SOBP: variants seen among roughly 807,000 people sequenced by gnomAD.
SOBP encodes sine oculis-binding protein homolog.
In SOBP, 4 loss-of-function variants were observed where a neutral mutation model predicts 53.6. The observed-to-expected ratio is 0.07, with a 90% CI of 0.04 to 0.17. The LOEUF (loss-of-function observed/expected upper bound fraction) is 0.17, where lower values mean the gene tolerates loss of function less well. Among genes scored for constraint, SOBP ranks in the 10% least tolerant of loss-of-function variants. The pLI is 1.00. For missense variants in SOBP, 1,088 were observed against 1,204.7 expected, an observed-to-expected ratio of 0.90 and a Z score of 1.43; for synonymous variants, 584 against 522.6, an observed-to-expected ratio of 1.12 and a Z score of -1.60.
At chr6:107,637,219 G>A (rs1771085688) in intron 6 of SOBP, among the ~76,000 whole-genome samples, 1 of 152,212 alleles carries the variant, frequency 6.6e-6, no homozygotes, top group Admixed American at 6.5e-5. Flanking sequence ...TCCACAGTGG[G>A]AAATACAAAC....
At chr6:107,494,846 G>A (rs1047812351) in intron 1 of SOBP, among the ~76,000 whole-genome samples, 11 of 152,142 alleles carry the variant, frequency 7.2e-5, no homozygotes, top group African/African-American at 2.4e-4. Context: ...AGATTTTCTA[G>A]TTTGTTTTCT....
chr6:107,632,331 C>A (rs561995139), intron 5 of SOBP, among the ~76,000 whole-genome samples: 24 of 148,682 alleles, frequency 1.6e-4, no homozygotes, highest in Admixed American at 4.7e-4. Flanking sequence ...GGCCCCCCCC[C>A]AAAAAAAAGG....
chr6:107,631,589 A>G (rs578103438), intron 5 of SOBP, among the ~76,000 whole-genome samples: 1 of 152,308 alleles, frequency 6.6e-6, no homozygotes, highest in African/African-American at 2.4e-5. Context: ...TTTTTTGTAA[A>G]CTGGGCATCT....
chr6:107,508,880 G>T (rs1583155351), intron 3 of SOBP, among the ~76,000 whole-genome samples: 1 of 152,212 alleles, frequency 6.6e-6, no homozygotes, highest in East Asian at 1.9e-4. Flanking sequence ...CAGTGGCTTA[G>T]GGGAGGGGAG....
chr6:107,503,809 A>T lies in SOBP; in HGVS notation c.235+14A>T, dbSNP rs1364767866. ...CTGTTCTCAAAGGTAATGACATTTAATGTCCTTTTGTTCATGCAAAGAAGG... is the reference window on the plus strand; with the variant it reads ...CTGTTCTCAAAGGTAATGACATTTATTGTCCTTTTGTTCATGCAAAGAAGG... On this transcript the variant is annotated intron_variant, in intron 2 of 6. Transcript: ENST00000317357. The T allele has an allele frequency of 2.5e-6, 4 of 1,613,616 alleles. No homozygotes were observed. In the South Asian group the frequency reaches 4.4e-5, roughly 18 times the overall value.
At chr6:107,586,180 T>G (rs1785560062) in intron 4 of SOBP, among the ~76,000 whole-genome samples, 1 of 152,242 alleles carries the variant, frequency 6.6e-6, no homozygotes, top group African/African-American at 2.4e-5. Context: ...TATGCATAAT[T>G]ATATGCAAGC....
At chr6:107,613,991 A>G (rs1786691667) in intron 5 of SOBP, among the ~76,000 whole-genome samples, 1 of 152,244 alleles carries the variant, frequency 6.6e-6, no homozygotes, top group Admixed American at 6.5e-5. Flanking sequence ...GCAATCTCTG[A>G]GGTGCAGGTT....
chr6:107,617,908 A>G (rs2003738), intron 5 of SOBP, among the ~76,000 whole-genome samples: 13,315 of 148,774 alleles, frequency 0.089, 833 homozygotes, highest in Admixed American at 0.18. Flanking sequence ...GCTCACTGCA[A>G]CATCTACCTC....
At chr6:107,603,718 A>C (rs1386721394) in intron 5 of SOBP, among the ~76,000 whole-genome samples, 1 of 152,102 alleles carries the variant, frequency 6.6e-6, no homozygotes, top group African/African-American at 2.4e-5. Context: ...TTTCCCTGAG[A>C]TGTGAGATAC....
At position 107,616,036 on chromosome 6, in the gene SOBP, GA is replaced by G. The variant is rs1324318094; in HGVS notation, c.670-17468del. ...AGACTCTGTCTCTGGGCAAAAAAAA[GA>G]AAAAAAAAAGAAAAAAAAAGGATGC... is the stretch of plus-strand genomic sequence containing the variant. On this transcript the variant is annotated intron_variant, in intron 5 of 6. Coordinates refer to ENST00000317357, the MANE Select transcript of SOBP (RefSeq NM_018013.4). 1.1e-4 allele frequency among the ~76,000 whole-genome samples: 12 copies of G among 107,816 alleles called. No individual in the cohort carries two copies. The South Asian group carries it at 1.9e-3, about 17-fold the overall frequency. The allele number at this position is 107,816 out of a possible 152,430, so 70.7% of individuals were successfully genotyped here.
At chr6:107,590,532 A>G (rs935315725) in intron 5 of SOBP, among the ~76,000 whole-genome samples, 1 of 152,204 alleles carries the variant, frequency 6.6e-6, no homozygotes, top group Non-Finnish European at 1.5e-5. Context: ...TCAGTTCCAG[A>G]TTCCTGAGCC....
At position 107,587,087 on chromosome 6, in the gene SOBP, A is replaced by G; in HGVS notation, c.581A>G (p.Asp194Gly). The G allele has an allele frequency of 6.2e-7, 1 of 1,613,240 alleles. No individual in the cohort carries two copies. The highest frequency in any genetic ancestry group is 8.5e-7 in the Non-Finnish European group (1 of 1,179,482). ...RAYFKRNKAR[D>G]EDGHAENFPQ... ...CATTATATTTCCCTTCAGGCTAGAG[A>G]TGAAGATGGACATGCTGAAAATTTT... Residue 194 changes from aspartate to glycine, a missense_variant, in exon 5 of 7, where the codon GAT becomes GGT. Around this residue, in one of 6 missense-constraint regions of SOBP, gnomAD observed 55 missense variants for 134.3 expected, o/e 0.41. Transcript: ENST00000317357.
At chr6:107,615,855 TA>T (rs1013676283) in intron 5 of SOBP, among the ~76,000 whole-genome samples, 3 of 150,222 alleles carry the variant, frequency 2.0e-5, no homozygotes, top group Non-Finnish European at 3.0e-5. Context: ...ACCTTGTCTC[TA>T]AAAAAAAATT....
chr6:107,556,901 A>T (rs1231266291), intron 4 of SOBP, among the ~76,000 whole-genome samples: 1 of 152,254 alleles, frequency 6.6e-6, no homozygotes, highest in Non-Finnish European at 1.5e-5. Flanking sequence ...GGTCCAAACT[A>T]AAACTGTGAT....
At chr6:107,620,212 G>A (rs1410549529) in intron 5 of SOBP, among the ~76,000 whole-genome samples, 2 of 152,188 alleles carry the variant, frequency 1.3e-5, no homozygotes, top group Non-Finnish European at 2.9e-5. Flanking sequence ...GCACGAGGCC[G>A]TTAAAGATTT....
chr6:107,645,428 AGAT>A (rs1771512352), intron 6 of SOBP, among the ~76,000 whole-genome samples: 1 of 151,732 alleles, frequency 6.6e-6, no homozygotes, highest in South Asian at 2.1e-4. Flanking sequence ...TGTTATTAAA[AGAT>A]GAGAGAGAGA....
chr6:107,542,208 G>A (rs1466443333), intron 4 of SOBP, among the ~76,000 whole-genome samples: 1 of 152,050 alleles, frequency 6.6e-6, no homozygotes, highest in East Asian at 1.9e-4. Flanking sequence ...TCATATCTGA[G>A]GATCACAGGA....
intron 4 of SOBP, among the ~76,000 whole-genome samples, chr6:107,568,690 C>G (rs1353506064): frequency 6.6e-6 from 1 of 152,186 alleles, no homozygotes; most frequent in South Asian, 2.1e-4. Flanking sequence ...TGGTGGATAC[C>G]TTCTGCCCTT....
intron 5 of SOBP, among the ~76,000 whole-genome samples, 165 bp from the exon 6 acceptor site, chr6:107,633,349 C>A (rs1323247927): frequency 2.6e-5 from 4 of 152,210 alleles, no homozygotes; most frequent in Non-Finnish European, 5.9e-5. Flanking sequence ...GCCAACCCAT[C>A]ATTTTACAAA....
Sources: allele counts gnomAD v4.1 joint callset (sites outside exome capture counted in the v4.1 genomes callset), GRCh38; gene constraint gnomAD v4.1.1; regional missense constraint gnomAD v4.1.1; transcripts MANE v1.5; gene names NCBI Gene and HGNC (gene_info 2026-07-23, HGNC 2026-07-21).